The following CTTNBP2NL variants were observed in gnomAD, a reference collection of about 807,000 sequenced individuals.
CTTNBP2NL encodes the protein CTTNBP2 N-terminal-like protein.
CTTNBP2NL carries 16 observed loss-of-function variants against 32.5 expected under a neutral mutation model. The observed-to-expected ratio is 0.49, with a 90% CI of 0.33 to 0.75. The LOEUF is 0.75. Among genes scored for constraint, CTTNBP2NL ranks in the 30% least tolerant of loss-of-function variants. The pLI is 0.02. For missense variants in CTTNBP2NL, 645 were observed against 756.0 expected (o/e 0.85, Z 1.72); for synonymous variants, 298 against 289.4 (o/e 1.03, Z -0.30).
chr1:112,453,579 C>A (rs535245392), intron 4 of CTTNBP2NL, among the ~76,000 whole-genome samples: 1 of 151,906 alleles, frequency 6.6e-6, no homozygotes, highest in Non-Finnish European at 1.5e-5. Context: ...TGGCAAAACC[C>A]CATCTCTACA....
rs1165128831 is a variant in CTTNBP2NL, at chr1:112,460,791, A to C, written c.*3379A>C. On this transcript the variant is annotated 3_prime_UTR_variant, in exon 6 of 6. Transcript: ENST00000271277. ...AATAGTGTGGATGTTTACATATCTG[A>C]AGTTTTCAGCATTTAAGCAAATTAA... 6.6e-6 allele frequency: 1 copy of C among 152,212 alleles called. No individual in the cohort carries two copies. The highest frequency in any genetic ancestry group is 1.5e-5 in the Non-Finnish European group (1 of 68,040). 9.4% of individuals were successfully genotyped at this position (152,212 alleles called of 1,614,324 possible). A position where few individuals can be genotyped will look rare whatever the true frequency, so the allele number is the denominator to read the frequency against.
intron 3 of CTTNBP2NL, among the ~76,000 whole-genome samples, chr1:112,419,931 TCACATGAA>T (rs1429573259): frequency 1.3e-5 from 2 of 152,158 alleles, no homozygotes; most frequent in African/African-American, 2.4e-5. Flanking sequence ...TTGATAAAGA[TCACATGAA>T]CACATGAACA....
intron 3 of CTTNBP2NL, among the ~76,000 whole-genome samples, chr1:112,427,902 A>AAG (rs1425298581): frequency 6.6e-6 from 1 of 151,754 alleles, no homozygotes; most frequent in African/African-American, 2.4e-5. Context: ...TCTCAAAAAA[A>AAG]AAAAAAAACA....
At chr1:112,432,740 TC>T (rs1649604516) in intron 3 of CTTNBP2NL, among the ~76,000 whole-genome samples, 1 of 150,626 alleles carries the variant, frequency 6.6e-6, no homozygotes, top group African/African-American at 2.5e-5. Context: ...TTTGAAACTT[TC>T]CATTCTATAT....
intron 3 of CTTNBP2NL, among the ~76,000 whole-genome samples, chr1:112,420,004 G>A (rs1649178129): frequency 1.3e-5 from 2 of 152,190 alleles, no homozygotes; most frequent in Admixed American, 6.5e-5. Context: ...TGGGATATTA[G>A]GGTGGGAGCA....
At chr1:112,394,277 C>G (rs1648257592), upstream of CTTNBP2NL, among the ~76,000 whole-genome samples, 1 of 151,550 alleles carries the variant, frequency 6.6e-6, no homozygotes, top group Non-Finnish European at 1.5e-5. Flanking sequence ...TAGAGTGACT[C>G]AGAAGCCAGC....
intron 3 of CTTNBP2NL, among the ~76,000 whole-genome samples, chr1:112,436,727 T>G (rs1360918413): frequency 6.6e-6 from 1 of 152,106 alleles, no homozygotes; most frequent in Non-Finnish European, 1.5e-5. Flanking sequence ...TAAACTAATG[T>G]CATGGGGGGT....
At chr1:112,401,935 A>C (rs1161497530) in intron 1 of CTTNBP2NL, among the ~76,000 whole-genome samples, 1 of 152,184 alleles carries the variant, frequency 6.6e-6, no homozygotes, top group Admixed American at 6.5e-5. Context: ...AAAGAATGCA[A>C]CCCTTAATTG....
In CTTNBP2NL at chr1:112,452,339, T is replaced by C. The variant is rs993727299; in HGVS notation, c.331-2110T>C. On this transcript the variant is annotated intron_variant, in intron 4 of 5. Transcript: ENST00000271277. ...ACACCACAGCACCAGTCTCTTCTTT[T>C]TTTTTTTTTTTTTTTTTTTTTTTAG... Among the ~76,000 whole-genome samples the C allele has an allele frequency of 5.7e-3, 774 of 135,476 alleles. 20 individuals are homozygous for C. The highest frequency in any genetic ancestry group is 0.023 in the African/African-American group (725 of 31,400). 88.9% of individuals were successfully genotyped at this position (135,476 alleles called of 152,430 possible). A position where few individuals can be genotyped will look rare whatever the true frequency, so the allele number is the denominator to read the frequency against.
chr1:112,422,590 A>G lies in CTTNBP2NL; in HGVS notation c.99+6326A>G, dbSNP rs1649264375. Among the ~76,000 whole-genome samples, 4 of 152,156 alleles carry G rather than the reference A, an allele frequency of 2.6e-5. No homozygotes were observed. The South Asian group carries it at 8.3e-4, about 32-fold the overall frequency. ...AAGTGTTTTGCAAAGCGATTGTACC[A>G]TTTTACATTCCACAGATATATCCAG... On this transcript the variant is annotated intron_variant, in intron 3 of 5. Transcript: ENST00000271277.
chr1:112,419,992 A>G (rs935434332), intron 3 of CTTNBP2NL, among the ~76,000 whole-genome samples: 8 of 152,222 alleles, frequency 5.3e-5, no homozygotes, highest in Non-Finnish European at 1.2e-4. Context: ...CTAGTTCCCA[A>G]CTGGGATATT....
chr1:112,423,468 A>G (rs1197758825), intron 3 of CTTNBP2NL, among the ~76,000 whole-genome samples: 2 of 152,146 alleles, frequency 1.3e-5, no homozygotes, highest in African/African-American at 4.8e-5. Context: ...CATGTGGCAC[A>G]CTATAAATAT....
chr1:112,415,872 C>T (rs1017842347), intron 2 of CTTNBP2NL: 2 of 322,288 alleles, frequency 6.2e-6, no homozygotes, highest in African/African-American at 4.6e-5. Flanking sequence ...CTAATTCTTT[C>T]TGAGATTTCC....
intron 1 of CTTNBP2NL, among the ~76,000 whole-genome samples, chr1:112,400,933 T>A (rs190097513): frequency 1.2e-3 from 167 of 134,538 alleles, no homozygotes; most frequent in Non-Finnish European, 1.9e-3. Flanking sequence ...GTCACTGCAC[T>A]CCAGCCTGGG....
chr1:112,450,222 T>G (rs1444630836), intron 4 of CTTNBP2NL, among the ~76,000 whole-genome samples: 3 of 152,200 alleles, frequency 2.0e-5, no homozygotes, highest in Non-Finnish European at 2.9e-5. Context: ...TTTCTTTCCC[T>G]TCACAGAAGC....
intron 3 of CTTNBP2NL, among the ~76,000 whole-genome samples, chr1:112,439,128 C>A (rs1056542230): frequency 6.6e-6 from 1 of 152,066 alleles, no homozygotes; most frequent in Non-Finnish European, 1.5e-5. Flanking sequence ...TATTCTATTC[C>A]ACCTTCTGTC....
chr1:112,445,058 G>T (rs562256464), intron 3 of CTTNBP2NL, among the ~76,000 whole-genome samples: 1 of 152,318 alleles, frequency 6.6e-6, no homozygotes, highest in South Asian at 2.1e-4. Flanking sequence ...GTCACTTGCT[G>T]TGTGGGAAGC....
At chr1:112,440,824 A>G (rs748208324) in intron 3 of CTTNBP2NL, among the ~76,000 whole-genome samples, 14 of 152,182 alleles carry the variant, frequency 9.2e-5, no homozygotes, top group Non-Finnish European at 1.9e-4. Context: ...TGTTTACTTC[A>G]TGAGGAATGC....
chr1:112,399,376 G>A (rs189174594), intron 1 of CTTNBP2NL, among the ~76,000 whole-genome samples: 7 of 148,106 alleles, frequency 4.7e-5, no homozygotes, highest in African/African-American at 1.7e-4. Flanking sequence ...ACAAGTTATT[G>A]ATCTACTTTG....
Sources: allele counts gnomAD v4.1 joint callset (sites outside exome capture counted in the v4.1 genomes callset), GRCh38; gene constraint gnomAD v4.1.1; transcripts MANE v1.5; gene names NCBI Gene and HGNC (gene_info 2026-07-23, HGNC 2026-07-21).